Variants in FGF12 observed in about 807,000 individuals in gnomAD.
FGF12 encodes the protein fibroblast growth factor 12B.
FGF12 carries 14 observed loss-of-function variants against 23.6 expected under a neutral mutation model. The ratio of observed to expected loss-of-function variants is 0.59; its 90% CI spans 0.39 to 0.93. The LOEUF is 0.93. FGF12 is among the 40% of genes least tolerant of loss of function. The probability of loss-of-function intolerance (pLI) is 0.00; values close to 1 mark genes in which losing one functional copy is unlikely to be tolerated. For missense variants in FGF12, 175 were observed against 217.8 expected (o/e 0.80, Z 1.24); for synonymous variants, 62 against 77.3 (o/e 0.80, Z 1.04).
chr3:192,518,927 T>G (rs1280626246), intron 2 of FGF12, among the ~76,000 whole-genome samples: 3 of 152,052 alleles, frequency 2.0e-5, no homozygotes, highest in Admixed American at 2.0e-4. Context: ...TCTCTTCATC[T>G]TCTTCATCTT....
chr3:192,199,997 A>G (rs1265596274), intron 4 of FGF12, among the ~76,000 whole-genome samples: 1 of 152,090 alleles, frequency 6.6e-6, no homozygotes, highest in African/African-American at 2.4e-5. Context: ...CAGGAAACAG[A>G]GCAATGCTAA....
At chr3:192,628,192 T>C (rs1715246561) in intron 2 of FGF12, among the ~76,000 whole-genome samples, 1 of 152,116 alleles carries the variant, frequency 6.6e-6, no homozygotes, top group South Asian at 2.1e-4. Context: ...TGTTTCTTTT[T>C]ATTGTTGAGT....
intron 4 of FGF12, among the ~76,000 whole-genome samples, chr3:192,287,756 A>G (rs752693260): frequency 1.5e-4 from 23 of 152,096 alleles, no homozygotes; most frequent in South Asian, 2.1e-4. Context: ...TGAGTTTACA[A>G]AGGTTGACAC....
intron 4 of FGF12, among the ~76,000 whole-genome samples, chr3:192,228,211 C>T (rs1208530975): frequency 6.6e-6 from 1 of 151,614 alleles, no homozygotes; most frequent in African/African-American, 2.4e-5. Flanking sequence ...TTTAATTATT[C>T]CACAAATGCA....
intron 2 of FGF12, among the ~76,000 whole-genome samples, chr3:192,481,359 T>C (rs1390312521): frequency 6.6e-6 from 1 of 152,198 alleles, no homozygotes; most frequent in African/African-American, 2.4e-5. Flanking sequence ...TCCTGATGTA[T>C]ACTGGACCCT....
intron 2 of FGF12, among the ~76,000 whole-genome samples, chr3:192,579,471 T>C (rs1331870157): frequency 6.6e-6 from 1 of 152,230 alleles, no homozygotes; most frequent in African/African-American, 2.4e-5. Flanking sequence ...GCACTTCCTG[T>C]ATCTCCATGA....
At chr3:192,194,781 C>T (rs938587667) in intron 4 of FGF12, among the ~76,000 whole-genome samples, 32 of 152,236 alleles carry the variant, frequency 2.1e-4, no homozygotes, top group African/African-American at 7.5e-4. Context: ...TAAATGTACG[C>T]TTTTTTAGTA....
At chr3:192,492,252 G>T (rs1332731933) in intron 2 of FGF12, among the ~76,000 whole-genome samples, 3 of 152,066 alleles carry the variant, frequency 2.0e-5, no homozygotes, top group Admixed American at 6.6e-5. Flanking sequence ...CTAGCCAAAA[G>T]ATTCATATCA....
At chr3:192,620,166 C>T (rs372035369) in intron 2 of FGF12, among the ~76,000 whole-genome samples, 3 of 152,002 alleles carry the variant, frequency 2.0e-5, no homozygotes, top group South Asian at 2.1e-4. Flanking sequence ...TCGAGGGGGA[C>T]GTGAAAATAC....
intron 2 of FGF12, among the ~76,000 whole-genome samples, chr3:192,385,737 G>A (rs986446096): frequency 6.6e-6 from 1 of 152,192 alleles, no homozygotes; most frequent in Non-Finnish European, 1.5e-5. Flanking sequence ...TCTCTGCCAT[G>A]CAATTTGCCC....
At chr3:192,486,636 GC>G (rs1024800050) in intron 2 of FGF12, among the ~76,000 whole-genome samples, 10 of 152,220 alleles carry the variant, frequency 6.6e-5, no homozygotes, top group Non-Finnish European at 7.4e-5. Context: ...ACAGAGGTAA[GC>G]AAGACACCCT....
chr3:192,507,153 G>A lies in FGF12; in HGVS notation c.14-146615C>T, dbSNP rs1032624554. ...GTGATCTGCCCGCCTCGGCCTCCCA[G>A]AGTGCTGGGATTACAGGCGTGAGCC... On this transcript the variant is annotated intron_variant, in intron 2 of 5. Transcript: ENST00000445105. Among the ~76,000 whole-genome samples, 80 of 151,514 alleles carry A rather than the reference G, an allele frequency of 5.3e-4. 1 individual carries two copies. Among genetic ancestry groups the A allele is most frequent in the African/African-American group, 1.7e-3 (70 of 41,328 alleles).
intron 2 of FGF12, among the ~76,000 whole-genome samples, chr3:192,507,056 TA>T (rs1456889346): frequency 6.6e-6 from 1 of 151,864 alleles, no homozygotes; most frequent in African/African-American, 2.4e-5. Flanking sequence ...CACGCCCGGC[TA>T]ATTTTTTTGT....
At position 192,656,863 on chromosome 3, in the gene FGF12, A is replaced by G. The variant is rs80019418; in HGVS notation, c.13+70318T>C. 8.4e-3 allele frequency among the ~76,000 whole-genome samples: 1,280 copies of G among 152,318 alleles called. 11 individuals carry two copies. The highest frequency in any genetic ancestry group is 0.012 in the Non-Finnish European group (837 of 68,030). On this transcript the variant is annotated intron_variant, in intron 2 of 5. Transcript: ENST00000445105. ...TGTTCACAGGAAGCTTGAAATGCAT[A>G]ATAGCCACAATTATTAAATATATAC...
intron 2 of FGF12, among the ~76,000 whole-genome samples, chr3:192,605,436 G>C (rs1714300427): frequency 6.6e-6 from 1 of 151,582 alleles, no homozygotes. Flanking sequence ...TTGTACATTG[G>C]CTTGGCCTTG....
chr3:192,283,605 A>G (rs1714278815), intron 4 of FGF12, among the ~76,000 whole-genome samples: 1 of 152,096 alleles, frequency 6.6e-6, no homozygotes, highest in Non-Finnish European at 1.5e-5. Context: ...ATTTTACCTT[A>G]GAAGGGTAAA....
At chr3:192,369,086 C>T (rs1437874337) in intron 2 of FGF12, among the ~76,000 whole-genome samples, 1 of 152,192 alleles carries the variant, frequency 6.6e-6, no homozygotes, top group African/African-American at 2.4e-5. Context: ...ACCCCTGTCT[C>T]TGCTGCTGAA....
intron 2 of FGF12, among the ~76,000 whole-genome samples, chr3:192,686,992 A>G (rs1026897277): frequency 5.3e-5 from 8 of 151,006 alleles, no homozygotes; most frequent in Non-Finnish European, 1.5e-5. Context: ...CCACAACTGG[A>G]TAATTTTTTT....
chr3:192,249,041 A>T (rs1035252232), intron 4 of FGF12, among the ~76,000 whole-genome samples: 2 of 152,278 alleles, frequency 1.3e-5, no homozygotes, highest in African/African-American at 4.8e-5. Context: ...CATGACTAAA[A>T]TGAAACTGCT....
Sources: allele counts gnomAD v4.1 joint callset (sites outside exome capture counted in the v4.1 genomes callset), GRCh38; gene constraint gnomAD v4.1.1; transcripts MANE v1.5; gene names NCBI Gene and HGNC (gene_info 2026-07-23, HGNC 2026-07-21).